VTI1A: variants seen among roughly 807,000 people sequenced by gnomAD.
VTI1A encodes vesicle transport through interaction with t-SNAREs 1A, also known as vesicle transport through interaction with t-SNAREs homolog 1A.
In VTI1A, 22 loss-of-function variants were observed where a neutral mutation model predicts 34.9. That is an observed-to-expected ratio of 0.63 (90% CI 0.45 to 0.90). VTI1A has a LOEUF of 0.90. VTI1A is among the 40% of genes least tolerant of loss of function. The pLI is 0.00. For missense variants in VTI1A, 268 were observed against 275.6 expected (o/e 0.97, Z 0.20); for synonymous variants, 87 against 97.3 (o/e 0.89, Z 0.62).
intron 7 of VTI1A, among the ~76,000 whole-genome samples, chr10:112,755,184 C>T (rs930503358): frequency 4.6e-5 from 7 of 151,926 alleles, no homozygotes; most frequent in East Asian, 1.9e-4. Flanking sequence ...GGAACTCAGG[C>T]GGTGGAGGTT....
At chr10:112,665,342 A>T (rs1009631514) in intron 5 of VTI1A, among the ~76,000 whole-genome samples, 12 of 151,472 alleles carry the variant, frequency 7.9e-5, no homozygotes, top group African/African-American at 2.4e-4. Context: ...ATTCACATGA[A>T]TTTTTTTTCA....
intron 5 of VTI1A, among the ~76,000 whole-genome samples, chr10:112,547,549 G>T (rs1000186358): frequency 2.6e-5 from 4 of 152,140 alleles, no homozygotes; most frequent in Non-Finnish European, 5.9e-5. Context: ...CTGCACTCCA[G>T]CCTGGGCAAC....
At chr10:112,472,231 G>C (rs544425381) in intron 3 of VTI1A, among the ~76,000 whole-genome samples, 150 of 152,290 alleles carry the variant, frequency 9.8e-4, no homozygotes, top group African/African-American at 3.2e-3. Flanking sequence ...CCAGGTCAGT[G>C]GTGCCCGAAT....
At chr10:112,715,237 T>C (rs538162650) in intron 7 of VTI1A, among the ~76,000 whole-genome samples, 7 of 152,278 alleles carry the variant, frequency 4.6e-5, no homozygotes, top group African/African-American at 1.7e-4. Context: ...ATTTTAATAC[T>C]TCCTGAATCT....
chr10:112,529,376 T>A (rs930475755), intron 4 of VTI1A, among the ~76,000 whole-genome samples: 1 of 152,128 alleles, frequency 6.6e-6, no homozygotes, highest in Non-Finnish European at 1.5e-5. Flanking sequence ...CTAAAACACA[T>A]CCTTAACTAG....
chr10:112,605,565 C>T (rs756571987), intron 5 of VTI1A, among the ~76,000 whole-genome samples: 13 of 152,202 alleles, frequency 8.5e-5, no homozygotes, highest in Non-Finnish European at 1.9e-4. Context: ...CCTCTCTCCA[C>T]ACCAGGAGTC....
At chr10:112,822,726 G>A (rs1362944554), downstream of VTI1A, among the ~76,000 whole-genome samples, 2 of 152,196 alleles carry the variant, frequency 1.3e-5, no homozygotes, top group African/African-American at 4.8e-5. Context: ...AAACTCGAGT[G>A]AGAACTAGAG....
intron 7 of VTI1A, chr10:112,736,966 G>T (rs1850503984): frequency 1.7e-6 from 1 of 600,938 alleles, no homozygotes; most frequent in Non-Finnish European, 3.0e-6. Flanking sequence ...ATGTGCTGTG[G>T]TTCTGGGTGA....
Position 112,615,484 on chromosome 10 carries a change from C to T in VTI1A, c.428-52734C>T, listed in dbSNP as rs569889244. 1.1e-4 allele frequency among the ~76,000 whole-genome samples: 17 copies of T among 152,130 alleles called. No individual in the cohort carries two copies. In the South Asian group the frequency reaches 3.5e-3, roughly 32 times the overall value. On this transcript the variant is annotated intron_variant, in intron 5 of 7. Transcript: ENST00000393077. ...TTTATTTAACACATATTTTTGAGGC[C>T]CTATTACGTGGCAGACACTTGTTAG...
intron 7 of VTI1A, among the ~76,000 whole-genome samples, chr10:112,715,130 A>T (rs1389495165): frequency 1.3e-5 from 2 of 152,082 alleles, no homozygotes; most frequent in Non-Finnish European, 2.9e-5. Flanking sequence ...TTTGGTATGT[A>T]ACGATGGGGT....
chr10:112,574,529 C>T (rs559183001), intron 5 of VTI1A, among the ~76,000 whole-genome samples: 14 of 152,322 alleles, frequency 9.2e-5, no homozygotes, highest in African/African-American at 3.4e-4. Context: ...GGATTTAAAT[C>T]CCAGCTTTCT....
chr10:112,505,043 T>C (rs1370810863), intron 3 of VTI1A, among the ~76,000 whole-genome samples: 3 of 152,188 alleles, frequency 2.0e-5, no homozygotes, highest in Non-Finnish European at 2.9e-5. Context: ...AATCTGCATG[T>C]ACTTTTCCAG....
downstream of VTI1A, among the ~76,000 whole-genome samples, chr10:112,821,195 AAGGC>A (rs1438552478): frequency 6.6e-6 from 1 of 152,190 alleles, no homozygotes; most frequent in Non-Finnish European, 1.5e-5. Flanking sequence ...TCATCCAAAC[AAGGC>A]CCTTTGGCGT....
At chr10:112,502,788 C>T (rs1849289803) in intron 3 of VTI1A, among the ~76,000 whole-genome samples, 1 of 152,166 alleles carries the variant, frequency 6.6e-6, no homozygotes, top group Admixed American at 6.5e-5. Flanking sequence ...TAAACTCTAA[C>T]CCTATATAAC....
chr10:112,663,515 A>G (rs1296271792), intron 5 of VTI1A, among the ~76,000 whole-genome samples: 1 of 152,210 alleles, frequency 6.6e-6, no homozygotes, highest in Non-Finnish European at 1.5e-5. Flanking sequence ...GAAGTTCCTC[A>G]CATGTCTTAG....
At chr10:112,574,162 A>G (rs113239345) in intron 5 of VTI1A, among the ~76,000 whole-genome samples, 3,655 of 152,328 alleles carry the variant, frequency 0.024, 65 homozygotes, top group East Asian at 0.079. Flanking sequence ...AAATAAAATC[A>G]AATAAGTTTG....
At chr10:112,654,399 A>G (rs1847148648) in intron 5 of VTI1A, among the ~76,000 whole-genome samples, 1 of 152,208 alleles carries the variant, frequency 6.6e-6, no homozygotes, top group Non-Finnish European at 1.5e-5. Flanking sequence ...TTTACCACGC[A>G]TACATCTCAA....
At chr10:112,568,784 T>TC (rs1453503197) in intron 5 of VTI1A, among the ~76,000 whole-genome samples, 1 of 152,164 alleles carries the variant, frequency 6.6e-6, no homozygotes, top group Non-Finnish European at 1.5e-5. Flanking sequence ...TTCATGTTTT[T>TC]CCCCCCACTT....
chr10:112,722,082 A>T (rs1849828219), intron 7 of VTI1A, among the ~76,000 whole-genome samples: 1 of 152,196 alleles, frequency 6.6e-6, no homozygotes, highest in Non-Finnish European at 1.5e-5. Flanking sequence ...TTTAGCTCTG[A>T]TACACTCTTA....
Sources: gnomAD v4.1 joint callset for allele counts (sites outside exome capture counted in the v4.1 genomes callset) on GRCh38, gnomAD v4.1.1 for gene constraint, MANE v1.5 for transcripts, NCBI Gene and HGNC (gene_info 2026-07-23, HGNC 2026-07-21) for gene names.